CLASP2: variants seen among roughly 807,000 people sequenced by gnomAD.
CLASP2 encodes the protein CLIP-associating protein 2.
A neutral mutation model predicts 194.4 loss-of-function variants in CLASP2; 47 were observed. The observed-to-expected ratio is 0.24, with a 90% CI of 0.19 to 0.31. The LOEUF (loss-of-function observed/expected upper bound fraction) is 0.31. Among genes scored for constraint, CLASP2 ranks in the 10% least tolerant of loss-of-function variants. The pLI is 1.00. For synonymous variants in CLASP2, 619 were observed against 633.5 expected, an observed-to-expected ratio of 0.98 and a Z score of 0.34; for missense variants, 1,445 against 1,823.6, an observed-to-expected ratio of 0.79 and a Z score of 3.78.
At chr3:33,611,919 C>T in intron 13 of CLASP2, 82 bp downstream of exon 13, 2 of 969,704 alleles carry the variant, frequency 2.1e-6, no homozygotes. Context: ...AATGAATGAC[C>T]AATTCTTGCA....
intron 32 of CLASP2, 25 bp downstream of exon 32, chr3:33,543,408 T>C (rs1023142770): frequency 1.5e-6 from 2 of 1,354,704 alleles, no homozygotes; most frequent in Non-Finnish European, 2.1e-6. Flanking sequence ...ATACAAACCA[T>C]CATGAAAAAT....
intron 1 of CLASP2, among the ~76,000 whole-genome samples, chr3:33,702,619 A>G (rs2092448620): frequency 6.6e-6 from 1 of 152,198 alleles, no homozygotes; most frequent in Admixed American, 6.5e-5. Context: ...AAAACTAAAA[A>G]CACCTAGTCT....
intron 6 of CLASP2, among the ~76,000 whole-genome samples, chr3:33,676,247 G>T (rs2088601127): frequency 6.8e-6 from 1 of 146,506 alleles, no homozygotes. Flanking sequence ...ATAGATCAAT[G>T]GAACAGAACA....
At chr3:33,573,797 TTCTG>T (rs778975496) in intron 24 of CLASP2, among the ~76,000 whole-genome samples, 72 of 152,300 alleles carry the variant, frequency 4.7e-4, no homozygotes, top group Non-Finnish European at 6.2e-4. Context: ...TTCCATTTTT[TTCTG>T]TCTATCTTTT....
At chr3:33,548,650 T>C (rs999757622) in intron 30 of CLASP2, among the ~76,000 whole-genome samples, 3 of 152,144 alleles carry the variant, frequency 2.0e-5, no homozygotes, top group African/African-American at 7.2e-5. Context: ...CCTTTTGTAA[T>C]GCTTGTTTTT....
intron 21 of CLASP2, among the ~76,000 whole-genome samples, chr3:33,591,008 C>G (rs1033426815): frequency 1.4e-5 from 2 of 143,158 alleles, no homozygotes; most frequent in Admixed American, 6.7e-5. Context: ...CAGTGGGAAC[C>G]CACCTCTATA....
intron 11 of CLASP2, among the ~76,000 whole-genome samples, chr3:33,621,728 A>G (rs1312762340): frequency 6.6e-6 from 1 of 152,172 alleles, no homozygotes; most frequent in Non-Finnish European, 1.5e-5. Context: ...TACAAACTTA[A>G]AGTTTAGGTT....
At chr3:33,566,490 TTA>T (rs1313717108) in intron 27 of CLASP2, among the ~76,000 whole-genome samples, 1 of 152,204 alleles carries the variant, frequency 6.6e-6, no homozygotes. Context: ...TTTAACTCCC[TTA>T]TATCTTAGGT....
intron 1 of CLASP2, among the ~76,000 whole-genome samples, chr3:33,714,722 T>C (rs1207379103): frequency 6.6e-6 from 1 of 152,090 alleles, no homozygotes; most frequent in Non-Finnish European, 1.5e-5. Flanking sequence ...AGCCACCCTT[T>C]ACACACATAA....
intron 32 of CLASP2, 33 bp from the exon 33 acceptor site, chr3:33,538,975 G>C (rs1235980928): frequency 6.7e-7 from 1 of 1,493,796 alleles, no homozygotes; most frequent in Non-Finnish European, 9.0e-7. Flanking sequence ...TTTTACTTAG[G>C]TGTAGTTTTA....
At chr3:33,544,924 T>C (rs1017638621) in intron 30 of CLASP2, 83 bp from the exon 31 acceptor site, 5 of 969,144 alleles carry the variant, frequency 5.2e-6, no homozygotes, top group South Asian at 5.7e-5. Context: ...TTCTGTTCAA[T>C]AGCACGAAGC....
chr3:33,560,851 C>G lies in CLASP2; in HGVS notation c.2887G>C (p.Gly963Arg). ...LLKKMGADLL[G>R]SVQAKVQKAL... The stretch of plus-strand genomic sequence containing the variant: ...TTCTGAACTTTTGCCTGAACAGATC[C>G]AAGCAAATCAGCACCCATTTTTTTT... Residue 963 changes from glycine (G) to arginine (R), a missense_variant, in exon 28 of 39, where the codon GGA (glycine) becomes CGA (arginine). By Grantham distance (125) the Gly-to-Arg change is moderately radical (BLOSUM62 -2). Around this residue, in one of 4 missense-constraint regions of CLASP2, gnomAD observed 732 missense variants for 987.9 expected, o/e 0.74. Transcript: ENST00000682230. The G allele has an allele frequency of 6.2e-7, 1 of 1,613,870 alleles. No homozygotes were observed. Among genetic ancestry groups the G allele is most frequent in the Non-Finnish European group, 8.5e-7 (1 of 1,179,840 alleles).
intron 5 of CLASP2, 32 bp downstream of exon 5, chr3:33,687,028 C>T (rs1266245266): frequency 2.4e-6 from 3 of 1,266,928 alleles, no homozygotes; most frequent in Non-Finnish European, 2.2e-6. Flanking sequence ...GCCAAAAAAT[C>T]AGTCAATGCT....
intron 7 of CLASP2, among the ~76,000 whole-genome samples, chr3:33,645,924 C>G (rs1236088967): frequency 7.6e-6 from 1 of 131,674 alleles, no homozygotes; most frequent in Non-Finnish European, 1.6e-5. Flanking sequence ...AAACATCTCC[C>G]AGCATACACA....
chr3:33,631,428 G>T (rs892951346), intron 9 of CLASP2, among the ~76,000 whole-genome samples: 2 of 152,156 alleles, frequency 1.3e-5, no homozygotes, highest in Non-Finnish European at 2.9e-5. Flanking sequence ...TGGTGTGGTG[G>T]CTCACGCCTG....
intron 27 of CLASP2, 118 bp from the exon 28 acceptor site, chr3:33,561,089 C>G: frequency 1.2e-6 from 1 of 832,038 alleles, no homozygotes; most frequent in Non-Finnish European, 1.8e-6. Flanking sequence ...GATTGGCAGC[C>G]AAGCGGAAAA....
chr3:33,624,676 T>C (rs2077692179), intron 10 of CLASP2, among the ~76,000 whole-genome samples: 1 of 152,062 alleles, frequency 6.6e-6, no homozygotes, highest in Non-Finnish European at 1.5e-5. Context: ...ACAAAAATTA[T>C]AACAATATAT....
intron 24 of CLASP2, among the ~76,000 whole-genome samples, chr3:33,574,984 T>C (rs991908843): frequency 6.6e-6 from 1 of 152,120 alleles, no homozygotes; most frequent in Non-Finnish European, 1.5e-5. Flanking sequence ...GTGTTCTAAG[T>C]AATAGTTCAA....
chr3:33,540,287 A>T (rs1212389423), intron 32 of CLASP2, among the ~76,000 whole-genome samples: 1 of 137,788 alleles, frequency 7.3e-6, no homozygotes, highest in African/African-American at 2.8e-5. Context: ...CCCAGACTGG[A>T]GTGCAGTGGT....
Sources: allele counts gnomAD v4.1 joint callset (sites outside exome capture counted in the v4.1 genomes callset), GRCh38; gene constraint gnomAD v4.1.1; regional missense constraint gnomAD v4.1.1; transcripts MANE v1.5; gene names NCBI Gene and HGNC (gene_info 2026-07-23, HGNC 2026-07-21).